Variants in RP9 observed in about 807,000 individuals in gnomAD.
RP9 encodes the protein retinitis pigmentosa 9 protein.
RP9 carries 23 observed loss-of-function variants against 32.6 expected under a neutral mutation model. That is an observed-to-expected ratio of 0.71 (90% CI 0.51 to 1.00). The LOEUF (loss-of-function observed/expected upper bound fraction) is 1.00. RP9 is among the 50% of genes least tolerant of loss of function. The probability of loss-of-function intolerance (pLI) is 0.00; values close to 1 mark genes in which losing one functional copy is unlikely to be tolerated. For missense variants in RP9, 245 were observed against 285.3 expected (o/e 0.86, Z 1.02); for synonymous variants, 94 against 103.6 (o/e 0.91, Z 0.56).
chr7:33,105,224 A>C (rs575309222), intron 1 of RP9, among the ~76,000 whole-genome samples: 2 of 152,302 alleles, frequency 1.3e-5, no homozygotes, highest in Admixed American at 6.5e-5. Context: ...ATGTGTGGAA[A>C]AAGTACTATT....
intron 1 of RP9, among the ~76,000 whole-genome samples, chr7:33,108,213 G>C (rs1371847563): frequency 1.3e-5 from 2 of 152,230 alleles, no homozygotes; most frequent in African/African-American, 2.4e-5. Flanking sequence ...ACGAATTCTT[G>C]AATAACTGAG....
chr7:33,101,469 G>A (rs1018009799), intron 1 of RP9, among the ~76,000 whole-genome samples: 51 of 152,138 alleles, frequency 3.4e-4, no homozygotes, highest in Non-Finnish European at 1.6e-4. Context: ...GGGCGTGGTG[G>A]CGGGTGCCTG....
chr7:33,098,308 T>A (rs1282877687), intron 3 of RP9, among the ~76,000 whole-genome samples: 2 of 152,154 alleles, frequency 1.3e-5, no homozygotes, highest in African/African-American at 4.8e-5. Context: ...CACCTGATTC[T>A]GGGAGGTTGA....
chr7:33,107,209 T>G lies in RP9; in HGVS notation c.152+2012A>C, dbSNP rs184734435. ...CAAATGTCTCAACGGCTCATTCAGT[T>G]TTAAATCTCAGAAACTGGAAAAATC... On this transcript the variant is annotated intron_variant, in intron 1 of 5. Coordinates refer to ENST00000297157, the MANE Select transcript of RP9 (RefSeq NM_203288.2). 3.0e-3 allele frequency among the ~76,000 whole-genome samples: 452 copies of G among 152,326 alleles called. 4 individuals carry two copies. Among genetic ancestry groups the G allele is most frequent in the African/African-American group, 0.01 (428 of 41,566 alleles).
intron 1 of RP9, 137 bp from the exon 2 acceptor site, chr7:33,100,698 A>G (rs764213982): frequency 4.0e-6 from 3 of 758,618 alleles, no homozygotes; most frequent in South Asian, 2.9e-5. Flanking sequence ...TTTGCAGACA[A>G]GCAATCACCT....
rs1340108463 is a variant in RP9, at chr7:33,109,194, G to A, written c.152+27C>T. On this transcript the variant is annotated intron_variant, in intron 1 of 5. Transcript: ENST00000297157. The surrounding 1 kb of genome is among the most constrained non-coding windows in gnomAD (Gnocchi z 4.9). ...GGCCCCTGGCTTCAGAAGACTGGCC[G>A]CGCGCGGACGGCAGCTCGGGACTCA... 1.3e-6 allele frequency: 2 copies of A among 1,485,652 alleles called. No homozygotes were observed. Among genetic ancestry groups the A allele is most frequent in the Non-Finnish European group, 1.8e-6 (2 of 1,119,598 alleles). 92.0% of individuals were successfully genotyped at this position (1,485,652 alleles called of 1,614,324 possible).
chr7:33,096,575 A>G, intron 4 of RP9, 21 bp from the exon 5 acceptor site: 2 of 1,577,694 alleles, frequency 1.3e-6, no homozygotes, highest in Non-Finnish European at 1.7e-6. Flanking sequence ...AGAGAAGGTT[A>G]AGGTTTGGTT....
chr7:33,108,154 A>G (rs989967930), intron 1 of RP9, among the ~76,000 whole-genome samples: 2 of 152,258 alleles, frequency 1.3e-5, no homozygotes, highest in Non-Finnish European at 2.9e-5. Context: ...GCGTTAGGCT[A>G]TACTTAACAC....
chr7:33,101,412 G>A (rs540314291), intron 1 of RP9, among the ~76,000 whole-genome samples: 4 of 152,050 alleles, frequency 2.6e-5, no homozygotes, highest in Non-Finnish European at 5.9e-5. Flanking sequence ...GACTAGCTTG[G>A]CCAACATGGT....
chr7:33,103,198 G>A (rs1258738169), intron 1 of RP9, among the ~76,000 whole-genome samples: 1 of 152,202 alleles, frequency 6.6e-6, no homozygotes, highest in Non-Finnish European at 1.5e-5. Context: ...TTCAGAAGAT[G>A]AGGCTTCCTT....
At chr7:33,107,150 T>G (rs575610672) in intron 1 of RP9, among the ~76,000 whole-genome samples, 1 of 152,304 alleles carries the variant, frequency 6.6e-6, no homozygotes, top group South Asian at 2.1e-4. Context: ...TAAATACAAT[T>G]TAAAGCTCAA....
At position 33,096,375 on chromosome 7, in the gene RP9, T is replaced by C; in HGVS notation, c.467+118A>G. On this transcript the variant is annotated intron_variant, in intron 5 of 5. Coordinates refer to ENST00000297157, the MANE Select transcript of RP9 (RefSeq NM_203288.2). ...GCCATGACTCCTGCACTCCACATAT[T>C]TTCACAATTGAAGTACCATGTTTAC... The C allele has an allele frequency of 5.1e-6, 4 of 779,178 alleles. 1 individual carries two copies. In the South Asian group the frequency reaches 5.7e-5, roughly 11 times the overall value. The allele number at this position is 779,178 out of a possible 1,614,324, so 48.3% of individuals were successfully genotyped here.
Position 33,108,185 on chromosome 7 carries a change from G to C in RP9, c.152+1036C>G, listed in dbSNP as rs530281777. Among the ~76,000 whole-genome samples, 7 of 152,374 alleles carry C rather than the reference G, an allele frequency of 4.6e-5. No individual in the cohort carries two copies. The East Asian group carries it at 9.6e-4, about 21-fold the overall frequency. ...AACACCTACTTAGCACAGGTAACTA[G>C]AAGTGGCTAAAACAGAAACGAATTC... On this transcript the variant is annotated intron_variant, in intron 1 of 5. Coordinates refer to ENST00000297157, the MANE Select transcript of RP9 (RefSeq NM_203288.2).
chr7:33,096,664 A>T, intron 4 of RP9, 110 bp from the exon 5 acceptor site: 2 of 785,514 alleles, frequency 2.5e-6, no homozygotes, highest in East Asian at 2.5e-5. Flanking sequence ...TTACTGTTTG[A>T]TGTAGCTGCA....
At chr7:33,107,174 C>T (rs1212573419) in intron 1 of RP9, among the ~76,000 whole-genome samples, 1 of 152,182 alleles carries the variant, frequency 6.6e-6, no homozygotes, top group East Asian at 1.9e-4. Flanking sequence ...AGATTCTGAA[C>T]TGGCCAAAGC....
chr7:33,097,266 C>G lies in RP9; in HGVS notation c.405+5G>C. ...TGTAAATTGACACTCTTGGACTTTA[C>G]TTACCACTCTGAACTGCTCTAACTT... is the stretch of plus-strand genomic sequence containing the variant. On this transcript the variant is annotated splice_donor_5th_base_variant and intron_variant, in intron 4 of 5. Coordinates refer to ENST00000297157, the MANE Select transcript of RP9 (RefSeq NM_203288.2). 1 of 1,602,508 alleles carries G rather than the reference C, an allele frequency of 6.2e-7. No individual in the cohort carries two copies. The highest frequency in any genetic ancestry group is 8.6e-7 in the Non-Finnish European group (1 of 1,169,432).
In RP9 at chr7:33,095,582, T is replaced by C. The variant is rs1314615538; in HGVS notation, c.468-150A>G. 7 of 1,378,680 alleles carry C rather than the reference T, an allele frequency of 5.1e-6. No individual in the cohort carries two copies. In the Admixed American group the frequency reaches 1.7e-4, roughly 33 times the overall value. The allele number at this position is 1,378,680 out of a possible 1,614,324, so 85.4% of individuals were successfully genotyped here. A position where few individuals can be genotyped will look rare whatever the true frequency, so the allele number is the denominator to read the frequency against. On this transcript the variant is annotated intron_variant, in intron 5 of 5. Coordinates refer to ENST00000297157, the MANE Select transcript of RP9 (RefSeq NM_203288.2). ...TTTATTTTTACCTGTTTTCTCATTC[T>C]TCTCCACCTGAATGCCTACTTTACG... is the stretch of plus-strand genomic sequence containing the variant.
Position 33,109,320 on chromosome 7 carries a change from GGCCGCCGCGCGCCCGCA to G in RP9, c.36_52del (p.Gly14Ter). On this transcript the variant is annotated frameshift_variant, in exon 1 of 6. Transcript: ENST00000297157. LOFTEE classifies it high-confidence loss of function. The surrounding 1 kb of genome is among the most constrained non-coding windows in gnomAD (Gnocchi z 4.9). ...CAGCTCCTGCTCCGGCGGCTCACGC[GGCCGCCGCGCGCCCGCA>G]GCCCCCACGTCCTCGCGCCCAGGCC... is the stretch of plus-strand genomic sequence containing the variant. 2 of 1,460,994 alleles carry G rather than the reference GGCCGCCGCGCGCCCGCA, an allele frequency of 1.4e-6. No homozygotes were observed. The highest frequency in any genetic ancestry group is 1.8e-6 in the Non-Finnish European group (2 of 1,110,850). 90.5% of individuals were successfully genotyped at this position (1,460,994 alleles called of 1,614,324 possible).
intron 1 of RP9, among the ~76,000 whole-genome samples, chr7:33,107,882 A>G (rs906800672): frequency 2.0e-5 from 3 of 152,212 alleles, no homozygotes; most frequent in Non-Finnish European, 4.4e-5. Flanking sequence ...GATAACATTT[A>G]TGGACAGGAA....
Sources: gnomAD v4.1 joint callset for allele counts (sites outside exome capture counted in the v4.1 genomes callset) on GRCh38, gnomAD v4.1.1 for gene constraint, Gnocchi (gnomAD v3.1) non-coding constraint, MANE v1.5 for transcripts, NCBI Gene and HGNC (gene_info 2026-07-23, HGNC 2026-07-21) for gene names.